Variants in CTNND2 observed in about 807,000 individuals in gnomAD.
The protein encoded by CTNND2 is catenin delta 2.
Under a neutral mutation model 144.4 loss-of-function variants are expected in CTNND2, and 22 were observed. The observed-to-expected ratio is 0.15, with a 90% CI of 0.11 to 0.22. CTNND2 has a LOEUF of 0.22. CTNND2 is among the 10% of genes least tolerant of loss of function. The pLI, the probability that CTNND2 is intolerant of heterozygous loss-of-function variation, is 1.00. For synonymous variants in CTNND2, 751 were observed against 695.6 expected (o/e 1.08, Z -1.25); for missense variants, 1,353 against 1,618.8 (o/e 0.84, Z 2.82).
chr5:11,270,155 C>A (rs899353456), intron 9 of CTNND2, among the ~76,000 whole-genome samples: 2 of 152,278 alleles, frequency 1.3e-5, no homozygotes, highest in African/African-American at 2.4e-5. Flanking sequence ...TGTAGAAGAA[C>A]TTCCCCAAAG....
intron 3 of CTNND2, among the ~76,000 whole-genome samples, chr5:11,557,267 T>C (rs1776305831): frequency 2.0e-5 from 3 of 152,182 alleles, no homozygotes; most frequent in Admixed American, 2.0e-4. Context: ...AAGTCAGACT[T>C]GGCAGGCAAG....
intron 2 of CTNND2, among the ~76,000 whole-genome samples, chr5:11,676,802 T>C (rs1186542315): frequency 6.6e-6 from 1 of 152,194 alleles, no homozygotes; most frequent in Non-Finnish European, 1.5e-5. Context: ...CCATTCTTCT[T>C]GACTTCCAAA....
intron 1 of CTNND2, among the ~76,000 whole-genome samples, chr5:11,842,491 G>A (rs997940093): frequency 2.6e-5 from 4 of 151,962 alleles, no homozygotes; most frequent in South Asian, 2.1e-4. Context: ...AGGCTGAGGC[G>A]GGCGGATCGT....
intron 13 of CTNND2, among the ~76,000 whole-genome samples, chr5:11,111,966 C>A (rs910711688): frequency 3.9e-5 from 6 of 152,086 alleles, no homozygotes; most frequent in Admixed American, 2.6e-4. Context: ...CCTGCCTCAG[C>A]CTCCCAAGTA....
At chr5:11,164,171 A>T (rs1257674864) in intron 11 of CTNND2, among the ~76,000 whole-genome samples, 1 of 152,018 alleles carries the variant, frequency 6.6e-6, no homozygotes, top group Non-Finnish European at 1.5e-5. Flanking sequence ...GGGCACTCTG[A>T]TCACATTGAG....
intron 2 of CTNND2, among the ~76,000 whole-genome samples, chr5:11,686,410 G>T (rs929144314): frequency 1.3e-5 from 2 of 152,134 alleles, no homozygotes; most frequent in African/African-American, 4.8e-5. Flanking sequence ...CACTAGGAAG[G>T]CAATCAATCT....
intron 16 of CTNND2, among the ~76,000 whole-genome samples, chr5:11,049,705 AC>A (rs1334986185): frequency 6.6e-6 from 1 of 152,028 alleles, no homozygotes; most frequent in Admixed American, 6.5e-5. Flanking sequence ...AGGCACCCAA[AC>A]CCACCCCTTT....
intron 2 of CTNND2, among the ~76,000 whole-genome samples, chr5:11,580,508 TAG>T (rs1778343317): frequency 6.6e-6 from 1 of 152,238 alleles, no homozygotes; most frequent in African/African-American, 2.4e-5. Flanking sequence ...ATGTCTTTTC[TAG>T]AGTTTTACAT....
At chr5:11,759,631 G>A (rs1357591775) in intron 1 of CTNND2, among the ~76,000 whole-genome samples, 1 of 152,064 alleles carries the variant, frequency 6.6e-6, no homozygotes, top group African/African-American at 2.4e-5. Flanking sequence ...CAGCATGTAT[G>A]CTAAAGATTA....
intron 12 of CTNND2, among the ~76,000 whole-genome samples, chr5:11,133,506 C>T (rs558742798): frequency 6.6e-6 from 1 of 152,256 alleles, no homozygotes; most frequent in South Asian, 2.1e-4. Context: ...GCATGCACCA[C>T]CACGCCTGGC....
intron 16 of CTNND2, among the ~76,000 whole-genome samples, chr5:11,067,915 A>C (rs183853370): frequency 1.3e-5 from 2 of 152,148 alleles, no homozygotes; most frequent in Non-Finnish European, 2.9e-5. Context: ...TACTCTCTCT[A>C]TATATAGTAT....
intron 20 of CTNND2, among the ~76,000 whole-genome samples, chr5:10,983,170 CATAA>C (rs2149488419): frequency 6.6e-6 from 1 of 152,204 alleles, no homozygotes; most frequent in South Asian, 2.1e-4. Context: ...ATGTTCCTAA[CATAA>C]ATAATAAATG....
intron 1 of CTNND2, among the ~76,000 whole-genome samples, chr5:11,741,370 A>G (rs1408297075): frequency 6.6e-6 from 1 of 152,192 alleles, no homozygotes; most frequent in Admixed American, 6.5e-5. Context: ...CATATACACC[A>G]TGGAATACCA....
chr5:11,490,444 T>C (rs764692336), intron 3 of CTNND2, among the ~76,000 whole-genome samples: 6 of 152,198 alleles, frequency 3.9e-5, no homozygotes, highest in Non-Finnish European at 7.3e-5. Context: ...CATTTACTCT[T>C]TGGCAAATAT....
chr5:11,568,890 A>T (rs1184233291), intron 2 of CTNND2, among the ~76,000 whole-genome samples: 4 of 152,234 alleles, frequency 2.6e-5, no homozygotes, highest in South Asian at 4.1e-4. Context: ...GGAAAATTAG[A>T]ACTATGTGAA....
Position 11,215,938 on chromosome 5 carries a change from T to A in CTNND2, c.1762-16277A>T, listed in dbSNP as rs181019117. On this transcript the variant is annotated intron_variant, in intron 10 of 21. Transcript: ENST00000304623. ...TGAAATTTTCAAAAGGGGATTTTCA[T>A]AACGAGAGTTGGGACTTATTCAACA... is the stretch of plus-strand genomic sequence containing the variant. 4.1e-3 allele frequency among the ~76,000 whole-genome samples: 628 copies of A among 152,352 alleles called. 4 individuals carry two copies. Among genetic ancestry groups the A allele is most frequent in the Admixed American group, 6.7e-3 (102 of 15,308 alleles).
chr5:11,454,297 G>A (rs1243879720), intron 3 of CTNND2, among the ~76,000 whole-genome samples: 1 of 152,092 alleles, frequency 6.6e-6, no homozygotes, highest in Non-Finnish European at 1.5e-5. Flanking sequence ...GTGTGTGCCT[G>A]TAGTCCCAGC....
intron 3 of CTNND2, among the ~76,000 whole-genome samples, chr5:11,448,552 G>C (rs548663153): frequency 2.6e-5 from 4 of 152,102 alleles, no homozygotes; most frequent in Non-Finnish European, 1.5e-5. Flanking sequence ...AAATAATTTT[G>C]TTATGGTCCA....
intron 3 of CTNND2, among the ~76,000 whole-genome samples, chr5:11,442,780 T>A (rs1241346803): frequency 6.8e-6 from 1 of 147,586 alleles, no homozygotes; most frequent in Non-Finnish European, 1.5e-5. Flanking sequence ...TTGCAATCAT[T>A]ATATATATAA....
Sources: gnomAD v4.1 joint callset for allele counts (sites outside exome capture counted in the v4.1 genomes callset) on GRCh38, gnomAD v4.1.1 for gene constraint, MANE v1.5 for transcripts, NCBI Gene and HGNC (gene_info 2026-07-23, HGNC 2026-07-21) for gene names.